The following DNPEP variants were observed in gnomAD, a reference collection of about 807,000 sequenced individuals.
DNPEP encodes aspartyl aminopeptidase.
A neutral mutation model predicts 59.1 loss-of-function variants in DNPEP; 46 were observed. That is an observed-to-expected ratio of 0.78 (90% CI 0.61 to 0.99). The LOEUF (loss-of-function observed/expected upper bound fraction) is 0.99, where lower values mean the gene tolerates loss of function less well. Among genes scored for constraint, DNPEP ranks in the 50% least tolerant of loss-of-function variants. The probability of loss-of-function intolerance (pLI) is 0.00; values close to 1 mark genes in which losing one functional copy is unlikely to be tolerated. For missense variants in DNPEP, 617 were observed against 649.9 expected (o/e 0.95, Z 0.55); for synonymous variants, 229 against 242.2 (o/e 0.95, Z 0.50).
chr2:219,399,223 T>C (rs1158185641), intron 1 of DNPEP, among the ~76,000 whole-genome samples: 2 of 152,206 alleles, frequency 1.3e-5, no homozygotes, highest in Non-Finnish European at 2.9e-5. Context: ...CTGACTCCTT[T>C]CCAAGCTGAC....
rs759814971 is a variant in DNPEP at position 219,386,059 on chromosome 2, C to T, written c.499G>A (p.Val167Met). The T allele has an allele frequency of 5.0e-6, 8 of 1,614,050 alleles. No individual in the cohort carries two copies. The African/African-American group carries it at 5.3e-5, about 11-fold the overall frequency. ...GGGATGCGAAGAATGGGCCGCTCCA[C>T]GTGCACCAGCTGCTGCTCCAGCCGA... ...SGRLEQQLVH[V>M]ERPILRIPHL... The change falls in exon 6 of 15, where the codon GTG becomes ATG. Residue 167 changes from valine to methionine, a missense_variant. Val to Met is a conservative substitution (Grantham distance 21). Coordinates refer to ENST00000273075, the MANE Select transcript of DNPEP (RefSeq NM_012100.4).
intron 14 of DNPEP, among the ~76,000 whole-genome samples, chr2:219,374,563 C>T (rs1035245485): frequency 6.6e-6 from 1 of 152,130 alleles, no homozygotes; most frequent in Non-Finnish European, 1.5e-5. Flanking sequence ...GAATAAGGAC[C>T]GTTGTTTTAT....
At chr2:219,391,720 C>G (rs907185773), upstream of DNPEP, among the ~76,000 whole-genome samples, 3 of 151,924 alleles carry the variant, frequency 2.0e-5, no homozygotes, top group African/African-American at 7.3e-5. Flanking sequence ...ATCTGTTGAC[C>G]AGCAATGTCA....
intron 10 of DNPEP, 58 bp downstream of exon 10, chr2:219,383,070 CACA>C (rs749230638): frequency 4.5e-5 from 68 of 1,514,374 alleles, no homozygotes; most frequent in Non-Finnish European, 5.5e-5. Flanking sequence ...GGATGCCTGG[CACA>C]ACAAGTTGGC....
In DNPEP at chr2:219,373,431, C is replaced by T. The variant is rs1953254160; in HGVS notation, c.*861G>A. 6.6e-6 allele frequency: 1 copy of T among 152,346 alleles called. No individual in the cohort carries two copies. The highest frequency in any genetic ancestry group is 2.4e-5 in the African/African-American group (1 of 41,450). The allele number at this position is 152,346 out of a possible 1,614,324, so 9.4% of individuals were successfully genotyped here. Reference sequence around the variant, plus strand: ...CTGGAGTGTGGTGGCTCCATCTCAGCTCACTGCAACCTACGCCTCCTTGGT... The same window carrying T: ...CTGGAGTGTGGTGGCTCCATCTCAGTTCACTGCAACCTACGCCTCCTTGGT... On this transcript the variant is annotated 3_prime_UTR_variant, in exon 15 of 15. Transcript: ENST00000273075.
At chr2:219,392,838 TC>T (rs550244507), upstream of DNPEP, among the ~76,000 whole-genome samples, 85 of 152,246 alleles carry the variant, frequency 5.6e-4, 1 homozygote, top group African/African-American at 2.0e-3. Flanking sequence ...ATCCTACCTT[TC>T]CCTATTCCTC....
At chr2:219,377,670 TC>T (rs1437869860) in intron 13 of DNPEP, among the ~76,000 whole-genome samples, 1 of 152,122 alleles carries the variant, frequency 6.6e-6, no homozygotes, top group African/African-American at 2.4e-5. Flanking sequence ...ATGCCTGTAA[TC>T]CTAGCACTTT....
rs1393437156 is a variant in DNPEP, at chr2:219,386,421, A to C, written c.334-10T>G. The C allele has an allele frequency of 1.2e-6, 2 of 1,614,090 alleles. No individual in the cohort carries two copies. The highest frequency in any genetic ancestry group is 1.7e-6 in the Non-Finnish European group (2 of 1,180,040). ...GAGACCGACGTTTCACCTGAGTGTA[A>C]AGATGGAGAAGTCAGAGAAGGCTTC... On this transcript the variant is annotated splice_polypyrimidine_tract_variant and intron_variant, in intron 4 of 14. Transcript: ENST00000273075.
At chr2:219,398,239 C>T (rs531773427) in intron 1 of DNPEP, among the ~76,000 whole-genome samples, 4 of 152,300 alleles carry the variant, frequency 2.6e-5, no homozygotes, top group South Asian at 4.1e-4. Context: ...CATTTTGAAC[C>T]GTGAGCAACT....
chr2:219,373,208 A>AC lies in DNPEP; in HGVS notation c.*1083dup, dbSNP rs1953246875. ...CTCAGCCTCCGGAGTGGCTGAGATTACAGGCATGTGCCACCACGCCCGGCT... is the reference window on the plus strand; with the variant it reads ...CTCAGCCTCCGGAGTGGCTGAGATTACCAGGCATGTGCCACCACGCCCGGCT... On this transcript the variant is annotated 3_prime_UTR_variant, in exon 15 of 15. Transcript: ENST00000273075. 6.7e-6 allele frequency among the ~76,000 whole-genome samples: 1 copy of AC among 149,278 alleles called. No individual in the cohort carries two copies. Among genetic ancestry groups the AC allele is most frequent in the Non-Finnish European group, 1.5e-5 (1 of 67,628 alleles).
rs776258705 is a variant in DNPEP, at chr2:219,385,919, G to A, written c.590+49C>T. 328 of 1,606,102 alleles carry A rather than the reference G, an allele frequency of 2.0e-4. 2 individuals are homozygous for A. Among genetic ancestry groups the A allele is most frequent in the Non-Finnish European group, 2.7e-4 (322 of 1,174,780 alleles). ...GCTACCATTAGGTAATAATCACCTG[G>A]TACCATTCTCCATCCCTCCCAGCCA... is the stretch of plus-strand genomic sequence containing the variant. On this transcript the variant is annotated intron_variant, in intron 6 of 14. Coordinates refer to ENST00000273075, the MANE Select transcript of DNPEP (RefSeq NM_012100.4).
At chr2:219,392,434 G>A (rs1030659751), upstream of DNPEP, among the ~76,000 whole-genome samples, 11 of 150,550 alleles carry the variant, frequency 7.3e-5, no homozygotes, top group Admixed American at 5.3e-4. Context: ...TGCAATCTCC[G>A]CCTCCTGGGT....
intron 10 of DNPEP, 100 bp from the exon 11 acceptor site, chr2:219,382,239 C>G: frequency 2.2e-6 from 3 of 1,350,124 alleles, no homozygotes; most frequent in East Asian, 2.4e-5. Context: ...CAAAACCCCA[C>G]TGAGTCACTG....
At position 219,386,695 on chromosome 2, in the gene DNPEP, G is replaced by T; in HGVS notation, c.303C>A (p.Ile101=). 1.2e-6 allele frequency: 2 copies of T among 1,612,708 alleles called. No homozygotes were observed. Among genetic ancestry groups the T allele is most frequent in the Non-Finnish European group, 1.7e-6 (2 of 1,179,690 alleles). ...QYVPGNGFSL[I]GAHTDSPCLR... ...GGCAGGGGCTGTCCGTGTGGGCCCC[G>T]ATGAGGCTGAAGCCATTGCCAGGAA... The change falls in exon 4 of 15, where the codon ATC becomes ATA. Residue 101 remains isoleucine (I), a synonymous_variant. Coordinates refer to ENST00000273075, the MANE Select transcript of DNPEP (RefSeq NM_012100.4).
At chr2:219,374,727 C>T (rs1953298953) in intron 14 of DNPEP, 128 bp downstream of exon 14, 1 of 1,143,872 alleles carries the variant, frequency 8.7e-7, no homozygotes, top group Non-Finnish European at 1.2e-6. Context: ...CTACATGGCC[C>T]CAGCATGACA....
At chr2:219,392,355 T>A (rs948967896), upstream of DNPEP, among the ~76,000 whole-genome samples, 2 of 152,118 alleles carry the variant, frequency 1.3e-5, no homozygotes. Flanking sequence ...CTTTTTTTTT[T>A]TTTTTTATTG....
chr2:219,397,203 C>A (rs575409861), intron 1 of DNPEP, among the ~76,000 whole-genome samples: 1 of 151,082 alleles, frequency 6.6e-6, no homozygotes, highest in Non-Finnish European at 1.5e-5. Context: ...AGCCAGCCCC[C>A]CTCCCCTCCC....
chr2:219,394,912 A>G (rs1575001420), intron 1 of DNPEP, among the ~76,000 whole-genome samples: 1 of 151,734 alleles, frequency 6.6e-6, no homozygotes, highest in Non-Finnish European at 1.5e-5. Flanking sequence ...GGAAGGCCCC[A>G]GGTTCAAGAG....
intron 13 of DNPEP, among the ~76,000 whole-genome samples, chr2:219,380,003 A>G (rs998873682): frequency 6.6e-6 from 1 of 152,080 alleles, no homozygotes; most frequent in South Asian, 2.1e-4. Context: ...AATTTTCAAA[A>G]TAAATGTAGT....
Sources: gnomAD v4.1 joint callset for allele counts (sites outside exome capture counted in the v4.1 genomes callset) on GRCh38, gnomAD v4.1.1 for gene constraint, MANE v1.5 for transcripts, NCBI Gene and HGNC (gene_info 2026-07-23, HGNC 2026-07-21) for gene names.